The following ASIC2 variants were observed in gnomAD, a reference collection of about 807,000 sequenced individuals.
ASIC2 encodes acid sensing ion channel subunit 2.
In ASIC2, 25 loss-of-function variants were observed where a neutral mutation model predicts 57.3. The observed-to-expected ratio is 0.44, with a 90% CI of 0.32 to 0.61. The LOEUF is 0.61. ASIC2 is among the 20% of genes least tolerant of loss of function. The pLI is 0.06. For missense variants in ASIC2, 641 were observed against 738.1 expected, an observed-to-expected ratio of 0.87 and a Z score of 1.52; for synonymous variants, 319 against 307.5, an observed-to-expected ratio of 1.04 and a Z score of -0.39.
intron 1 of ASIC2, among the ~76,000 whole-genome samples, chr17:33,799,451 T>TTTCC (rs1912055459): frequency 9.9e-6 from 1 of 100,592 alleles, no homozygotes; most frequent in African/African-American, 3.8e-5. Flanking sequence ...TCTTTCTTTC[T>TTTCC]TTCTTTCTTT....
chr17:33,489,778 C>T, intron 1 of ASIC2, among the ~76,000 whole-genome samples: 1 of 152,216 alleles, frequency 6.6e-6, no homozygotes, highest in Non-Finnish European at 1.5e-5. Context: ...CACTCATTCA[C>T]CAAGCATTCA....
At chr17:34,107,664 A>T (rs563393030) in intron 1 of ASIC2, among the ~76,000 whole-genome samples, 46 of 152,310 alleles carry the variant, frequency 3.0e-4, no homozygotes, top group Middle Eastern at 3.4e-3. Context: ...CACAAGTCCA[A>T]TCTGACCAAA....
At chr17:33,085,274 T>C (rs1041525643) in intron 3 of ASIC2, among the ~76,000 whole-genome samples, 2 of 152,242 alleles carry the variant, frequency 1.3e-5, no homozygotes, top group African/African-American at 4.8e-5. Context: ...ATATACCATA[T>C]ACTATAAGAT....
intron 1 of ASIC2, among the ~76,000 whole-genome samples, chr17:33,498,643 C>T (rs888483837): frequency 3.3e-5 from 5 of 152,134 alleles, no homozygotes; most frequent in Admixed American, 6.5e-5. Context: ...GCTCTGGTCC[C>T]GGCACTGCGC....
intron 1 of ASIC2, chr17:33,955,361 G>A (rs570119770): frequency 6.6e-6 from 1 of 152,062 alleles, no homozygotes; most frequent in Non-Finnish European, 1.5e-5. Context: ...CTATTTTCTT[G>A]CCATCTGGGT....
Position 33,111,932 on chromosome 17 carries a change from T to A in ASIC2, c.844A>T (p.Ile282Phe), listed in dbSNP as rs1391872254. 3.1e-6 allele frequency: 5 copies of A among 1,612,694 alleles called. No homozygotes were observed. Among genetic ancestry groups the A allele is most frequent in the Admixed American group, 1.7e-5 (1 of 59,850 alleles). Reference sequence around the variant, plus strand: ...CCCAGCTCACCTGTCTCTCCCCAGATGGGCAGGTACTCATCCTGCTGAATG... The same window carrying A: ...CCCAGCTCACCTGTCTCTCCCCAGAAGGGCAGGTACTCATCCTGCTGAATG... ...LDIQQDEYLP[I>F]WGETEETTFE... The change falls in exon 2 of 10, where the codon ATC becomes TTC. Residue 282 changes from isoleucine to phenylalanine, a missense_variant. By Grantham distance (21) the Ile-to-Phe change is conservative. Transcript: ENST00000225823.
chr17:34,143,877 A>G (rs888001934), intron 1 of ASIC2, among the ~76,000 whole-genome samples: 1 of 152,126 alleles, frequency 6.6e-6, no homozygotes, highest in Non-Finnish European at 1.5e-5. Context: ...ATCCTGCAGA[A>G]CCATAAGTTA....
chr17:33,971,383 C>A (rs1905225389), intron 1 of ASIC2, among the ~76,000 whole-genome samples: 1 of 152,198 alleles, frequency 6.6e-6, no homozygotes, highest in Non-Finnish European at 1.5e-5. Flanking sequence ...TGGAGAAGAG[C>A]AACGGCAAGT....
chr17:33,989,449 G>A (rs13380869), intron 1 of ASIC2, among the ~76,000 whole-genome samples: 17,844 of 151,972 alleles, frequency 0.12, 1,451 homozygotes, highest in East Asian at 0.35. Context: ...AAGAGTGCAC[G>A]AAAGGAGATC....
At chr17:33,873,577 C>A (rs1365402957) in intron 1 of ASIC2, among the ~76,000 whole-genome samples, 1 of 152,148 alleles carries the variant, frequency 6.6e-6, no homozygotes. Flanking sequence ...CCTCTCTGAG[C>A]CTCAAAATCC....
At chr17:33,826,247 G>T (rs1179841477) in intron 1 of ASIC2, among the ~76,000 whole-genome samples, 3 of 152,188 alleles carry the variant, frequency 2.0e-5, no homozygotes, top group Admixed American at 2.0e-4. Flanking sequence ...AAATTCAGTG[G>T]TCCCATAGAG....
intron 3 of ASIC2, among the ~76,000 whole-genome samples, chr17:33,064,138 C>G (rs2092032211): frequency 6.6e-6 from 1 of 152,144 alleles, no homozygotes; most frequent in South Asian, 2.1e-4. Context: ...GTTTGATCGT[C>G]TGAAGCCTTC....
intron 3 of ASIC2, among the ~76,000 whole-genome samples, chr17:33,043,802 G>A (rs936653011): frequency 4.6e-5 from 7 of 152,160 alleles, no homozygotes; most frequent in Admixed American, 3.3e-4. Flanking sequence ...ACCACACAGG[G>A]AATCACCCCA....
intron 1 of ASIC2, among the ~76,000 whole-genome samples, chr17:34,136,988 T>G (rs912044672): frequency 3.9e-5 from 6 of 152,316 alleles, no homozygotes; most frequent in African/African-American, 1.4e-4. Flanking sequence ...TCTTTTCACT[T>G]GTTATATTCT....
chr17:33,862,956 A>G (rs73288660), intron 1 of ASIC2, among the ~76,000 whole-genome samples: 8,205 of 152,160 alleles, frequency 0.054, 507 homozygotes, highest in East Asian at 0.3. Context: ...GCTATCTCAG[A>G]TGACTCACAT....
intron 1 of ASIC2, among the ~76,000 whole-genome samples, chr17:33,398,942 G>T (rs978354212): frequency 2.0e-5 from 3 of 152,150 alleles, no homozygotes; most frequent in Non-Finnish European, 4.4e-5. Flanking sequence ...CTGGGAATTT[G>T]GGAGTCATAG....
intron 1 of ASIC2, among the ~76,000 whole-genome samples, chr17:33,233,033 C>A (rs971885782): frequency 6.6e-6 from 1 of 151,986 alleles, no homozygotes; most frequent in Admixed American, 6.6e-5. Context: ...GGAAGGGAGA[C>A]CTGAGAAGGC....
At chr17:34,097,015 C>A (rs1910572636) in intron 1 of ASIC2, among the ~76,000 whole-genome samples, 1 of 151,982 alleles carries the variant, frequency 6.6e-6, no homozygotes, top group Admixed American at 6.6e-5. Context: ...TACTTAGAAG[C>A]TCATACAAGA....
chr17:33,349,831 A>C (rs775750613), intron 1 of ASIC2, among the ~76,000 whole-genome samples: 12 of 152,224 alleles, frequency 7.9e-5, no homozygotes, highest in Non-Finnish European at 1.8e-4. Context: ...ATTAGCATTT[A>C]TTCCCACTTG....
Sources: gnomAD v4.1 joint callset for allele counts (sites outside exome capture counted in the v4.1 genomes callset) on GRCh38, gnomAD v4.1.1 for gene constraint, MANE v1.5 for transcripts, NCBI Gene and HGNC (gene_info 2026-07-23, HGNC 2026-07-21) for gene names.